PRIMA1: variants seen among roughly 807,000 people sequenced by gnomAD.
PRIMA1 encodes the protein proline rich membrane anchor 1, also known as proline-rich membrane anchor 1.
A neutral mutation model predicts 17.5 loss-of-function variants in PRIMA1; 7 were observed. The ratio of observed to expected loss-of-function variants is 0.40; its 90% CI spans 0.23 to 0.75. The LOEUF (loss-of-function observed/expected upper bound fraction) is 0.75. Ranked by LOEUF, PRIMA1 falls within the 30% of genes least tolerant of loss-of-function variation. The probability of loss-of-function intolerance (pLI) is 0.37; values close to 1 mark genes in which losing one functional copy is unlikely to be tolerated. For missense variants in PRIMA1, 200 were observed against 201.8 expected, an observed-to-expected ratio of 0.99 and a Z score of 0.05; for synonymous variants, 97 against 77.9, an observed-to-expected ratio of 1.25 and a Z score of -1.29.
At chr14:93,756,198 C>T (rs920823257) in intron 3 of PRIMA1, among the ~76,000 whole-genome samples, 3 of 152,212 alleles carry the variant, frequency 2.0e-5, no homozygotes, top group Admixed American at 2.0e-4. Context: ...GCCACCTTGC[C>T]TGGCCTAAGA....
rs1234622282 is a variant in PRIMA1, at chr14:93,721,293, G to A, written c.*151C>T. On this transcript the variant is annotated 3_prime_UTR_variant, in exon 5 of 5. Transcript: ENST00000393140. ...GCAGGCTGACCAGGGGCAAGCCTGGGAAGACAATGGTTTCTCCTTCGGGAG... is the reference window on the plus strand; with the variant it reads ...GCAGGCTGACCAGGGGCAAGCCTGGAAAGACAATGGTTTCTCCTTCGGGAG... 3.3e-6 allele frequency: 2 copies of A among 597,080 alleles called. No homozygotes were observed. Among genetic ancestry groups the A allele is most frequent in the Admixed American group, 3.1e-5 (1 of 32,130 alleles). The allele number at this position is 597,080 out of a possible 1,614,324, so 37.0% of individuals were successfully genotyped here.
chr14:93,734,632 C>A (rs1450799777), intron 4 of PRIMA1, among the ~76,000 whole-genome samples: 1 of 152,162 alleles, frequency 6.6e-6, no homozygotes, highest in African/African-American at 2.4e-5. Context: ...CTGGAAGAAG[C>A]CCCATCCATG....
chr14:93,740,548 C>T (rs1418416205), intron 3 of PRIMA1, among the ~76,000 whole-genome samples: 1 of 152,242 alleles, frequency 6.6e-6, no homozygotes, highest in Non-Finnish European at 1.5e-5. Context: ...CATGGCTCTA[C>T]TTCTTCAGGC....
intron 4 of PRIMA1, among the ~76,000 whole-genome samples, chr14:93,731,372 G>A (rs1196788133): frequency 7.7e-6 from 1 of 129,204 alleles, no homozygotes; most frequent in Non-Finnish European, 1.8e-5. Flanking sequence ...GCTAACTGTT[G>A]AAAGTGGTTG....
At chr14:93,778,708 C>T (rs1187626899) in intron 3 of PRIMA1, among the ~76,000 whole-genome samples, 2 of 152,200 alleles carry the variant, frequency 1.3e-5, no homozygotes, top group African/African-American at 4.8e-5. Flanking sequence ...GCAAACAAGT[C>T]ACAGAGAGGT....
chr14:93,723,287 T>C (rs527642186), intron 4 of PRIMA1, among the ~76,000 whole-genome samples: 2 of 152,296 alleles, frequency 1.3e-5, no homozygotes, highest in South Asian at 4.1e-4. Flanking sequence ...TGGACACTTA[T>C]GGTCATTATC....
rs781170814 is a variant in PRIMA1, at chr14:93,779,255, G to C, written c.150C>G (p.His50Gln). ...SCSKVTDSCRHVCQCRPPPPL... is the reference protein window; with the variant it reads ...SCSKVTDSCRQVCQCRPPPPL... Reference sequence around the variant, plus strand: ...GGGGAGGGGGCCGGCACTGGCAGACGTGTCGGCAGCTGTCAGTCACTTTGG... The same window carrying C: ...GGGGAGGGGGCCGGCACTGGCAGACCTGTCGGCAGCTGTCAGTCACTTTGG... The change falls in exon 3 of 5, where the codon CAC becomes CAG. Residue 50 changes from histidine to glutamine, a missense_variant. By Grantham distance (24) the His-to-Gln change is conservative (BLOSUM62 0). Transcript: ENST00000393140. 2 of 1,538,978 alleles carry C rather than the reference G, an allele frequency of 1.3e-6. No individual in the cohort carries two copies. Among genetic ancestry groups the C allele is most frequent in the Non-Finnish European group, 1.7e-6 (2 of 1,150,468 alleles).
At chr14:93,742,944 C>G (rs2076193526) in intron 3 of PRIMA1, among the ~76,000 whole-genome samples, 1 of 152,176 alleles carries the variant, frequency 6.6e-6, no homozygotes, top group South Asian at 2.1e-4. Context: ...CCCGTCAGAG[C>G]CAGCTGTTGG....
chr14:93,779,239 G>A lies in PRIMA1; in HGVS notation c.166C>T (p.Pro56Ser). 2 of 1,462,270 alleles carry A rather than the reference G, an allele frequency of 1.4e-6. No homozygotes were observed. The highest frequency in any genetic ancestry group is 1.8e-6 in the Non-Finnish European group (2 of 1,090,720). The allele number at this position is 1,462,270 out of a possible 1,614,324, so 90.6% of individuals were successfully genotyped here. The part of the protein sequence containing the change: ...DSCRHVCQCR[P>S]PPPLPPPPPP... ...GGCGGCGGGGGCAGCGGGGGAGGGG[G>A]CCGGCACTGGCAGACGTGTCGGCAG... Residue 56 changes from proline to serine, a missense_variant, in exon 3 of 5, where the codon CCC (proline) becomes TCC (serine). By Grantham distance (74) the Pro-to-Ser change is moderately conservative. Coordinates refer to ENST00000393140, the MANE Select transcript of PRIMA1 (RefSeq NM_178013.4).
intron 3 of PRIMA1, among the ~76,000 whole-genome samples, chr14:93,769,415 T>A (rs181868606): frequency 6.6e-6 from 1 of 152,096 alleles, no homozygotes; most frequent in East Asian, 1.9e-4. Context: ...ACCAGGCAAG[T>A]GGATCACAGG....
chr14:93,765,381 C>T (rs969701333), intron 3 of PRIMA1, among the ~76,000 whole-genome samples: 14 of 150,646 alleles, frequency 9.3e-5, no homozygotes, highest in African/African-American at 2.9e-4. Flanking sequence ...CCTCAGGGAT[C>T]GGATCAGACA....
intron 3 of PRIMA1, among the ~76,000 whole-genome samples, chr14:93,759,883 G>A (rs1488767072): frequency 1.3e-5 from 2 of 152,210 alleles, no homozygotes; most frequent in Non-Finnish European, 2.9e-5. Flanking sequence ...GCCCCGGCCT[G>A]GACATCACAG....
At chr14:93,768,219 GA>G (rs1472217080) in intron 3 of PRIMA1, among the ~76,000 whole-genome samples, 1 of 152,106 alleles carries the variant, frequency 6.6e-6, no homozygotes, top group Non-Finnish European at 1.5e-5. Flanking sequence ...ATAAGACACA[GA>G]ACCCCTGGAG....
At chr14:93,721,841 T>C (rs921657027) in intron 4 of PRIMA1, among the ~76,000 whole-genome samples, 2 of 152,178 alleles carry the variant, frequency 1.3e-5, no homozygotes, top group Non-Finnish European at 2.9e-5. Flanking sequence ...GTCCAGGCTG[T>C]TTTGGACAAA....
At chr14:93,765,565 G>T (rs1462006105) in intron 3 of PRIMA1, among the ~76,000 whole-genome samples, 4 of 151,720 alleles carry the variant, frequency 2.6e-5, no homozygotes, top group East Asian at 3.9e-4. Context: ...AGGAGGAAAA[G>T]GAGGTCTACA....
chr14:93,749,682 G>A (rs555404077), intron 3 of PRIMA1, among the ~76,000 whole-genome samples: 1 of 152,194 alleles, frequency 6.6e-6, no homozygotes, highest in East Asian at 1.9e-4. Context: ...TATATTAAAC[G>A]CCCAGCAGAG....
intron 3 of PRIMA1, among the ~76,000 whole-genome samples, chr14:93,776,182 C>T (rs1218396462): frequency 1.3e-5 from 2 of 152,222 alleles, no homozygotes; most frequent in Non-Finnish European, 2.9e-5. Context: ...ATACCGTCAT[C>T]ATTTGAGACC....
chr14:93,721,115 C>T lies in PRIMA1; in HGVS notation c.*329G>A, dbSNP rs2076034702. The T allele has an allele frequency of 7.5e-6, 2 of 268,126 alleles. No homozygotes were observed. Among genetic ancestry groups the T allele is most frequent in the East Asian group, 7.2e-5 (1 of 13,800 alleles). 16.6% of individuals were successfully genotyped at this position (268,126 alleles called of 1,614,324 possible). ...CCTGCCACAGTAGAAAGACAGATCC[C>T]TCTGGCTTCGCCAGTGCGCATGCTT... On this transcript the variant is annotated 3_prime_UTR_variant, in exon 5 of 5. Coordinates refer to ENST00000393140, the MANE Select transcript of PRIMA1 (RefSeq NM_178013.4).
intron 3 of PRIMA1, among the ~76,000 whole-genome samples, chr14:93,740,222 A>G (rs1424577056): frequency 6.6e-6 from 1 of 152,226 alleles, no homozygotes; most frequent in African/African-American, 2.4e-5. Context: ...GAAAATAGGA[A>G]TGAACTCTAA....
Sources: gnomAD v4.1 joint callset for allele counts (sites outside exome capture counted in the v4.1 genomes callset) on GRCh38, gnomAD v4.1.1 for gene constraint, MANE v1.5 for transcripts, NCBI Gene and HGNC (gene_info 2026-07-23, HGNC 2026-07-21) for gene names.